NUDT12: variants seen among roughly 807,000 people sequenced by gnomAD.
NUDT12 encodes nudix hydrolase 12.
A neutral mutation model predicts 45.7 loss-of-function variants in NUDT12; 42 were observed. The observed-to-expected ratio is 0.92, with a 90% CI of 0.72 to 1.19. NUDT12 has a LOEUF of 1.19. Among genes scored for constraint, NUDT12 ranks in the 50% most tolerant of loss-of-function variants. The probability of loss-of-function intolerance (pLI) is 0.00; values close to 1 mark genes in which losing one functional copy is unlikely to be tolerated. For missense variants in NUDT12, 590 were observed against 533.1 expected, an observed-to-expected ratio of 1.11 and a Z score of -1.05; for synonymous variants, 206 against 179.7, an observed-to-expected ratio of 1.15 and a Z score of -1.17.
intron 5 of NUDT12, 154 bp downstream of exon 5, chr5:103,554,584 CAT>C (rs572493574): frequency 3.9e-4 from 139 of 352,568 alleles, no homozygotes; most frequent in Non-Finnish European, 6.0e-4. Flanking sequence ...ATGAGAATTA[CAT>C]GTTTATATTA....
At chr5:103,556,783 G>A (rs1216651758) in intron 3 of NUDT12, among the ~76,000 whole-genome samples, 1 of 152,022 alleles carries the variant, frequency 6.6e-6, no homozygotes, top group Admixed American at 6.6e-5. Flanking sequence ...GAGGCAATAA[G>A]ACTAGAAATG....
rs1748570511 is a variant in NUDT12, at chr5:103,549,031, T to G, written c.*1830A>C. ...AAATAATAATTTACCTAGATGCTGA[T>G]TTTTTCCCAAGTAAGGATTAAATAT... On this transcript the variant is annotated 3_prime_UTR_variant, in exon 7 of 7. Transcript: ENST00000230792. The G allele has an allele frequency of 6.6e-6, 1 of 152,138 alleles. No individual in the cohort carries two copies. Among genetic ancestry groups the G allele is most frequent in the Non-Finnish European group, 1.5e-5 (1 of 67,992 alleles). 9.4% of individuals were successfully genotyped at this position (152,138 alleles called of 1,614,324 possible).
chr5:103,560,673 A>T (rs1454481438), intron 1 of NUDT12, among the ~76,000 whole-genome samples: 1 of 152,164 alleles, frequency 6.6e-6, no homozygotes, highest in African/African-American at 2.4e-5. Flanking sequence ...AAAACAGTTT[A>T]TTGTTTGACC....
intron 1 of NUDT12, among the ~76,000 whole-genome samples, chr5:103,561,444 C>G (rs1749029701): frequency 6.6e-6 from 1 of 152,150 alleles, no homozygotes; most frequent in Admixed American, 6.5e-5. Context: ...TAAAACTGCT[C>G]ACAGTCATGG....
rs1167123869 is a variant in NUDT12 at position 103,556,103 on chromosome 5, A to G, written c.797-5T>C. On this transcript the variant is annotated splice_region_variant and splice_polypyrimidine_tract_variant and intron_variant, in intron 3 of 6. Transcript: ENST00000230792. ...ATCTTGCTTGAGCTACAACCCCTTC[A>G]AAAAAAAGAAAAGCACAAAAATTTT... 3 of 1,531,452 alleles carry G rather than the reference A, an allele frequency of 2.0e-6. No homozygotes were observed. The highest frequency in any genetic ancestry group is 2.6e-6 in the Non-Finnish European group (3 of 1,143,182). 94.9% of individuals were successfully genotyped at this position (1,531,452 alleles called of 1,614,324 possible).
Position 103,550,547 on chromosome 5 carries a change from A to G in NUDT12, c.*314T>C, listed in dbSNP as rs1022795661. 5.2e-5 allele frequency: 10 copies of G among 192,832 alleles called. No individual in the cohort carries two copies. The highest frequency in any genetic ancestry group is 3.9e-4 in the Admixed American group (7 of 17,978). 11.9% of individuals were successfully genotyped at this position (192,832 alleles called of 1,614,324 possible). On this transcript the variant is annotated 3_prime_UTR_variant, in exon 7 of 7. Transcript: ENST00000230792. Reference sequence around the variant, plus strand: ...ACTGAAATTTATGCACATTTCTAGAACATCTTTCCAACATGATGTCTCTTA... The same window carrying G: ...ACTGAAATTTATGCACATTTCTAGAGCATCTTTCCAACATGATGTCTCTTA...
Position 103,554,822 on chromosome 5 carries a change from TG to T in NUDT12, c.995del (p.Pro332GlnfsTer8). On this transcript the variant is annotated frameshift_variant, in exon 5 of 7. Coordinates refer to ENST00000230792, the MANE Select transcript of NUDT12 (RefSeq NM_031438.4). LOFTEE classifies it high-confidence loss of function. ...DPVVIMQVIH[P>X]DGTKCLLGRQ... ...TGCCTAAAAGGCATTTGGTCCCATC[TG>T]GATGAATAACTTGCATGATTACTAC... 6.4e-7 allele frequency: 1 copy of T among 1,557,774 alleles called. No homozygotes were observed. Among genetic ancestry groups the T allele is most frequent in the South Asian group, 1.2e-5 (1 of 84,226 alleles).
intron 4 of NUDT12, among the ~76,000 whole-genome samples, chr5:103,555,597 A>C (rs1322322415): frequency 6.6e-6 from 1 of 152,050 alleles, no homozygotes; most frequent in Non-Finnish European, 1.5e-5. Context: ...AGCTAGGGCC[A>C]GGCTGTACTG....
chr5:103,552,783 A>AT (rs1380537155), intron 5 of NUDT12, among the ~76,000 whole-genome samples: 3 of 152,064 alleles, frequency 2.0e-5, no homozygotes, highest in African/African-American at 7.2e-5. Context: ...AAATTACATG[A>AT]TTTTTACAAA....
chr5:103,560,293 A>G (rs2112458435), intron 1 of NUDT12, 39 bp from the exon 2 acceptor site: 1 of 1,309,630 alleles, frequency 7.6e-7, no homozygotes, highest in Admixed American at 1.8e-5. Context: ...GCTTATTTGC[A>G]ACTGCTTTTT....
intron 1 of NUDT12, among the ~76,000 whole-genome samples, chr5:103,562,076 A>C (rs1160041645): frequency 1.3e-5 from 2 of 152,254 alleles, no homozygotes; most frequent in Admixed American, 6.5e-5. Context: ...ATTTGAAGGC[A>C]GAATAAAGTG....
Position 103,560,152 on chromosome 5 carries a change from T to TGA in NUDT12, c.95_96dup (p.His34ValfsTer18). On this transcript the variant is annotated frameshift_variant, in exon 2 of 7. Transcript: ENST00000230792. LOFTEE classifies it high-confidence loss of function. ...TCATTGAGAAGAGATGGAGAATGAC[T>TGA]GAGTATTCCTGTTAACTTGGCAATA... The TGA allele has an allele frequency of 6.2e-7, 1 of 1,613,584 alleles. No individual in the cohort carries two copies. The highest frequency in any genetic ancestry group is 8.5e-7 in the Non-Finnish European group (1 of 1,179,486).
At chr5:103,558,454 C>T (rs1420881502) in intron 3 of NUDT12, among the ~76,000 whole-genome samples, 1 of 152,086 alleles carries the variant, frequency 6.6e-6, no homozygotes, top group Non-Finnish European at 1.5e-5. Flanking sequence ...AGCCAGTGTG[C>T]AGTGTCTTTT....
At chr5:103,554,084 G>C (rs140515416) in intron 5 of NUDT12, among the ~76,000 whole-genome samples, 1 of 151,882 alleles carries the variant, frequency 6.6e-6, no homozygotes, top group Non-Finnish European at 1.5e-5. Flanking sequence ...TTATTATCTA[G>C]CAATGCAAAT....
chr5:103,559,201 G>A lies in NUDT12; in HGVS notation c.474C>T (p.Pro158=), dbSNP rs770220491. ...TVFILFSDLN[P]LVTLGGNKES... ...CTTTATTGCCACCTAGAGTAACCAA[G>A]GGATTTAAATCTGAGAAAAGAATAA... Residue 158 remains proline (P), a synonymous_variant, in exon 3 of 7, where the codon CCC becomes CCT. Transcript: ENST00000230792. 8 of 1,555,820 alleles carry A rather than the reference G, an allele frequency of 5.1e-6. No homozygotes were observed. In the Admixed American group the frequency reaches 1.6e-4, roughly 31 times the overall value.
Position 103,549,174 on chromosome 5 carries a change from C to T in NUDT12, c.*1687G>A, listed in dbSNP as rs1748575600. 6.6e-6 allele frequency: 1 copy of T among 152,032 alleles called. No individual in the cohort carries two copies. The highest frequency in any genetic ancestry group is 2.4e-5 in the African/African-American group (1 of 41,414). The allele number at this position is 152,032 out of a possible 1,614,324, so 9.4% of individuals were successfully genotyped here. A position where few individuals can be genotyped will look rare whatever the true frequency, so the allele number is the denominator to read the frequency against. ...TTAGAATCTGCAAGTATTAAAAGTA[C>T]ATTTAGAGTAAAACTGAATTTCAAG... On this transcript the variant is annotated 3_prime_UTR_variant, in exon 7 of 7. Coordinates refer to ENST00000230792, the MANE Select transcript of NUDT12 (RefSeq NM_031438.4).
At chr5:103,553,655 C>T (rs746725911) in intron 5 of NUDT12, among the ~76,000 whole-genome samples, 1 of 151,942 alleles carries the variant, frequency 6.6e-6, no homozygotes, top group Non-Finnish European at 1.5e-5. Flanking sequence ...CAAATGTGCA[C>T]AAGGAGAAGT....
intron 1 of NUDT12, among the ~76,000 whole-genome samples, chr5:103,560,689 CAATT>C (rs894435759): frequency 2.6e-5 from 4 of 152,104 alleles, no homozygotes; most frequent in Non-Finnish European, 4.4e-5. Flanking sequence ...TGACCTTGCA[CAATT>C]AATTCTGTAA....
At chr5:103,559,569 CCTT>C (rs967390744) in intron 2 of NUDT12, 101 bp from the exon 3 acceptor site, 3 of 577,184 alleles carry the variant, frequency 5.2e-6, no homozygotes, top group African/African-American at 3.9e-5. Context: ...ATATTAAAGT[CCTT>C]CTTTTTAATG....
Sources: allele counts gnomAD v4.1 joint callset (sites outside exome capture counted in the v4.1 genomes callset), GRCh38; gene constraint gnomAD v4.1.1; transcripts MANE v1.5; gene names NCBI Gene and HGNC (gene_info 2026-07-23, HGNC 2026-07-21).